G2E3: variants seen among roughly 807,000 people sequenced by gnomAD.
The protein encoded by G2E3 is G2/M phase-specific E3 ubiquitin-protein ligase.
A neutral mutation model predicts 92.8 loss-of-function variants in G2E3; 35 were observed. The ratio of observed to expected loss-of-function variants is 0.38; its 90% CI spans 0.29 to 0.50. The LOEUF (loss-of-function observed/expected upper bound fraction) is 0.50, where lower values mean the gene tolerates loss of function less well. Among genes scored for constraint, G2E3 ranks in the 20% least tolerant of loss-of-function variants. The pLI is 0.94. For missense variants in G2E3, 554 were observed against 823.8 expected (o/e 0.67, Z 4.01); for synonymous variants, 242 against 272.4 (o/e 0.89, Z 1.10).
chr14:30,611,507 A>G (rs768037085), intron 12 of G2E3: 10 of 152,364 alleles, frequency 6.6e-5, no homozygotes, highest in Non-Finnish European at 1.2e-4. Flanking sequence ...TGTCTTGCAC[A>G]TAAATGGCCA....
chr14:30,598,413 A>C (rs1480617447), intron 7 of G2E3, 70 bp from the exon 8 acceptor site: 1 of 1,045,322 alleles, frequency 9.6e-7, no homozygotes. Context: ...TTTTATTTTT[A>C]GATTCATTCC....
chr14:30,571,006 C>A (rs747163533), intron 1 of G2E3, among the ~76,000 whole-genome samples: 19 of 152,020 alleles, frequency 1.2e-4, no homozygotes, highest in Admixed American at 3.3e-4. Flanking sequence ...TTGTCTTGTG[C>A]TGTCAGTATT....
chr14:30,583,235 T>C (rs1566534295), intron 2 of G2E3, among the ~76,000 whole-genome samples: 1 of 152,228 alleles, frequency 6.6e-6, no homozygotes, highest in South Asian at 2.1e-4. Flanking sequence ...ATTTTCTGTA[T>C]AAATAAACAT....
chr14:30,600,722 G>A (rs74706268), intron 8 of G2E3, among the ~76,000 whole-genome samples: 4,450 of 152,268 alleles, frequency 0.029, 73 homozygotes, highest in East Asian at 0.085. Context: ...GAAGAAGGCA[G>A]TTTTAGTGAA....
chr14:30,617,448 T>C lies in G2E3; in HGVS notation c.*914T>C, dbSNP rs1350040684. ...TATCCTATGTTTGGTATTCTGTATG[T>C]CTGATCCATAATCATTTTAGATATT... On this transcript the variant is annotated 3_prime_UTR_variant, in exon 15 of 15. Transcript: ENST00000206595. The C allele has an allele frequency of 6.6e-6, 1 of 152,080 alleles. No homozygotes were observed. Among genetic ancestry groups the C allele is most frequent in the Non-Finnish European group, 1.5e-5 (1 of 67,976 alleles). The allele number at this position is 152,080 out of a possible 1,614,324, so 9.4% of individuals were successfully genotyped here.
intron 3 of G2E3, among the ~76,000 whole-genome samples, chr14:30,588,869 G>A (rs1880857813): frequency 6.6e-6 from 1 of 152,176 alleles, no homozygotes; most frequent in South Asian, 2.1e-4. Flanking sequence ...CACATTGGGG[G>A]TTAAGGAAAC....
chr14:30,594,230 A>G (rs1881157844), intron 6 of G2E3, among the ~76,000 whole-genome samples: 1 of 152,220 alleles, frequency 6.6e-6, no homozygotes, highest in South Asian at 2.1e-4. Context: ...AAAATACTTG[A>G]AAACTTGAAA....
At chr14:30,608,410 C>T (rs1196168022) in intron 12 of G2E3, among the ~76,000 whole-genome samples, 3 of 152,146 alleles carry the variant, frequency 2.0e-5, no homozygotes, top group Non-Finnish European at 4.4e-5. Flanking sequence ...AGCTAGAAAG[C>T]AGATGAAAGT....
At position 30,591,551 on chromosome 14, in the gene G2E3, G is replaced by A. The variant is rs901768100; in HGVS notation, c.238-772G>A. On this transcript the variant is annotated intron_variant, in intron 4 of 14. Transcript: ENST00000206595. ...GGCACTAAGGGAGAATTGATTCCAT[G>A]CTTCTCCCCTAGCTTCACATGGCTG... is the stretch of plus-strand genomic sequence containing the variant. 2.6e-5 allele frequency among the ~76,000 whole-genome samples: 4 copies of A among 152,116 alleles called. No individual in the cohort carries two copies. In the South Asian group the frequency reaches 8.3e-4, roughly 32 times the overall value.
At position 30,591,026 on chromosome 14, in the gene G2E3, G is replaced by A. The variant is rs957513186; in HGVS notation, c.238-1297G>A. 3.8e-5 allele frequency: 7 copies of A among 185,866 alleles called. No homozygotes were observed. In the South Asian group the frequency reaches 6.1e-4, roughly 16 times the overall value. The allele number at this position is 185,866 out of a possible 1,614,324, so 11.5% of individuals were successfully genotyped here. On this transcript the variant is annotated intron_variant, in intron 4 of 14. Coordinates refer to ENST00000206595, the MANE Select transcript of G2E3 (RefSeq NM_017769.5). ...TGAGCATCATGTTGGCACTCAGAAA[G>A]TTTCCTATTTTGAAGCATTTTGGAT...
Position 30,618,182 on chromosome 14 carries a change from GTTTTAC to G in G2E3, c.*1652_*1657del, listed in dbSNP as rs1401452858. 6.6e-6 allele frequency: 1 copy of G among 151,828 alleles called. No homozygotes were observed. The highest frequency in any genetic ancestry group is 1.5e-5 in the Non-Finnish European group (1 of 67,888). The allele number at this position is 151,828 out of a possible 1,614,324, so 9.4% of individuals were successfully genotyped here. A position where few individuals can be genotyped will look rare whatever the true frequency, so the allele number is the denominator to read the frequency against. On this transcript the variant is annotated 3_prime_UTR_variant, in exon 15 of 15. Transcript: ENST00000206595. ...GTACACTAACATACCTAGCAAATTT[GTTTTAC>G]TTTAACTTGAAATATTTAAGAACAT... is the stretch of plus-strand genomic sequence containing the variant.
intron 1 of G2E3, among the ~76,000 whole-genome samples, chr14:30,572,685 T>A (rs1447448603): frequency 6.6e-6 from 1 of 152,188 alleles, no homozygotes; most frequent in Non-Finnish European, 1.5e-5. Context: ...TCTAATCTTA[T>A]ATTTCTAAGA....
intron 1 of G2E3, among the ~76,000 whole-genome samples, chr14:30,571,499 TAAG>T (rs1051285390): frequency 1.3e-5 from 2 of 152,114 alleles, no homozygotes; most frequent in Non-Finnish European, 2.9e-5. Context: ...TTCAGTTTCC[TAAG>T]AAATCTTTGC....
Position 30,619,101 on chromosome 14 carries a change from A to G in G2E3, c.*2567A>G, listed in dbSNP as rs900600315. 1 of 152,056 alleles carries G rather than the reference A, an allele frequency of 6.6e-6. No individual in the cohort carries two copies. Among genetic ancestry groups the G allele is most frequent in the Non-Finnish European group, 1.5e-5 (1 of 67,934 alleles). The allele number at this position is 152,056 out of a possible 1,614,324, so 9.4% of individuals were successfully genotyped here. On this transcript the variant is annotated 3_prime_UTR_variant, in exon 15 of 15. Transcript: ENST00000206595. ...TTTAACACCTTTTATACAATTCTCT[A>G]CTATTCAAGATATTCTTTAAAATAT...
Position 30,586,745 on chromosome 14 carries a change from A to T in G2E3, c.65A>T (p.Asp22Val). Residue 22 changes from aspartate to valine, a missense_variant, in exon 3 of 15, where the codon GAC (aspartate) becomes GTC (valine). Physicochemically the swap from Asp to Val is radical, Grantham distance 152. Around this residue, in one of 3 missense-constraint regions of G2E3, gnomAD observed 137 missense variants for 201.3 expected, o/e 0.68. Coordinates refer to ENST00000206595, the MANE Select transcript of G2E3 (RefSeq NM_017769.5). Reference sequence around the variant, plus strand: ...TGTGTTTTCTGTCGAAAACATGATGACTGTCCTAATAAATACGGAGAAAAG... The same window carrying T: ...TGTGTTTTCTGTCGAAAACATGATGTCTGTCCTAATAAATACGGAGAAAAG... ...LACVFCRKHD[D>V]CPNKYGEKKT... is the part of the protein sequence containing the mutation. 7.0e-7 allele frequency: 1 copy of T among 1,423,528 alleles called. No homozygotes were observed. Among genetic ancestry groups the T allele is most frequent in the Non-Finnish European group, 9.6e-7 (1 of 1,040,692 alleles). 88.2% of individuals were successfully genotyped at this position (1,423,528 alleles called of 1,614,324 possible).
chr14:30,619,422 C>G lies in G2E3; in HGVS notation c.*2888C>G, dbSNP rs1882461743. 6.6e-6 allele frequency: 1 copy of G among 152,086 alleles called. No individual in the cohort carries two copies. 9.4% of individuals were successfully genotyped at this position (152,086 alleles called of 1,614,324 possible). On this transcript the variant is annotated 3_prime_UTR_variant, in exon 15 of 15. Transcript: ENST00000206595. ...GAAAATGATCAGAACAAAATCATTA[C>G]ATTATAAACATGTAATTCTTTTATA...
chr14:30,571,614 C>G (rs1184915122), intron 1 of G2E3, among the ~76,000 whole-genome samples: 1 of 151,862 alleles, frequency 6.6e-6, no homozygotes, highest in East Asian at 1.9e-4. Flanking sequence ...GGTCAATGTT[C>G]TTCCCCCCAC....
At chr14:30,593,137 T>C (rs1881101561) in intron 5 of G2E3, among the ~76,000 whole-genome samples, 1 of 152,176 alleles carries the variant, frequency 6.6e-6, no homozygotes, top group African/African-American at 2.4e-5. Context: ...CTTAATTTTA[T>C]ACGATTTTGA....
At chr14:30,562,572 C>T (rs1024178330) in intron 1 of G2E3, among the ~76,000 whole-genome samples, 9 of 152,052 alleles carry the variant, frequency 5.9e-5, no homozygotes, top group South Asian at 4.2e-4. Context: ...GAAAAACACC[C>T]GCTACTTAGC....
Sources: gnomAD v4.1 joint callset for allele counts (sites outside exome capture counted in the v4.1 genomes callset) on GRCh38, gnomAD v4.1.1 for gene constraint, gnomAD v4.1.1 regional missense constraint, MANE v1.5 for transcripts, NCBI Gene and HGNC (gene_info 2026-07-23, HGNC 2026-07-21) for gene names.